Variants in WNT5A observed in about 807,000 individuals in gnomAD.
WNT5A encodes the protein protein Wnt-5a.
WNT5A carries 9 observed loss-of-function variants against 42.1 expected under a neutral mutation model. That is an observed-to-expected ratio of 0.21 (90% confidence interval 0.13 to 0.37). The LOEUF (loss-of-function observed/expected upper bound fraction) is 0.37. WNT5A is among the 10% of genes least tolerant of loss of function. The probability of loss-of-function intolerance (pLI) is 1.00; values close to 1 mark genes in which losing one functional copy is unlikely to be tolerated. For synonymous variants in WNT5A, 210 were observed against 210.0 expected, an observed-to-expected ratio of 1.00 and a Z score of 0.00; for missense variants, 426 against 534.0, an observed-to-expected ratio of 0.80 and a Z score of 1.99.
chr3:55,479,653 C>T, intron 2 of WNT5A, 89 bp from the exon 3 acceptor site: 6 of 1,448,730 alleles, frequency 4.1e-6, no homozygotes, highest in Admixed American at 4.6e-5. Flanking sequence ...TAGTTTTAAG[C>T]ACACAGATGC....
In WNT5A at chr3:55,470,294, C is replaced by T; in HGVS notation, c.941G>A (p.Ser314Asn). 2.5e-6 allele frequency: 4 copies of T among 1,582,288 alleles called. No homozygotes were observed. Among genetic ancestry groups the T allele is most frequent in the Non-Finnish European group, 3.5e-6 (4 of 1,151,118 alleles). The change falls in exon 5 of 5, where the codon AGC (serine) becomes AAC (asparagine). Residue 314 changes from serine to asparagine, a missense_variant. Ser to Asn is a conservative substitution (Grantham distance 46). This residue lies in a region of WNT5A where 358 missense variants were observed against 468.1 expected (regional missense o/e 0.76). Coordinates refer to ENST00000264634, the MANE Select transcript of WNT5A (RefSeq NM_003392.7). ...PSPDYCVRNE[S>N]TGSLGTQGRL... ...GCCCTGCGTGCCCAGCGAGCCGGTG[C>T]TCTCATTGCGCACGCAGTAGTCAGG...
chr3:55,470,639 T>C (rs1027885570), intron 4 of WNT5A, 89 bp from the exon 5 acceptor site: 8 of 1,210,340 alleles, frequency 6.6e-6, no homozygotes, highest in Non-Finnish European at 9.0e-6. Context: ...ACCTTCTCCA[T>C]GGAGCTATGT....
At chr3:55,493,382 C>G (rs1349269047), upstream of WNT5A, among the ~76,000 whole-genome samples, 1 of 152,228 alleles carries the variant, frequency 6.6e-6, no homozygotes, top group African/African-American at 2.4e-5. Context: ...GTCACCCTCA[C>G]TCCCTTGAAG....
At chr3:55,493,182 G>A (rs1167019386), upstream of WNT5A, among the ~76,000 whole-genome samples, 1 of 152,154 alleles carries the variant, frequency 6.6e-6, no homozygotes, top group East Asian at 1.9e-4. Context: ...GAATGAATGA[G>A]GGCCTGAGGG....
rs1289163725 is a variant in WNT5A at position 55,468,494 on chromosome 3, A to G, written c.*1598T>C. The stretch of plus-strand genomic sequence containing the variant: ...CAAGGTATGATCACAGCAGGGCCAC[A>G]GCCCAAGCTCAAGACTCAAAAAACT... On this transcript the variant is annotated 3_prime_UTR_variant, in exon 5 of 5. Coordinates refer to ENST00000264634, the MANE Select transcript of WNT5A (RefSeq NM_003392.7). The G allele has an allele frequency of 6.6e-6, 1 of 152,214 alleles. No homozygotes were observed. Among genetic ancestry groups the G allele is most frequent in the African/African-American group, 2.4e-5 (1 of 41,460 alleles). The allele number at this position is 152,214 out of a possible 1,614,324, so 9.4% of individuals were successfully genotyped here. A position where few individuals can be genotyped will look rare whatever the true frequency, so the allele number is the denominator to read the frequency against.
rs1332328216 is a variant in WNT5A at position 55,482,009 on chromosome 3, C to A, written c.7-1091G>T. ...GTTGTGGGCCACTTTGCCATCGCGG[C>A]ACTGCGAGCCTGTCGTTGGAACTCT... On this transcript the variant is annotated intron_variant, in intron 1 of 4. Coordinates refer to ENST00000264634, the MANE Select transcript of WNT5A (RefSeq NM_003392.7). Among the ~76,000 whole-genome samples the A allele has an allele frequency of 2.6e-5, 4 of 152,248 alleles. No individual in the cohort carries two copies. In the East Asian group the frequency reaches 7.7e-4, roughly 29 times the overall value.
chr3:55,488,039 G>A (rs1176820170), upstream of WNT5A: 1 of 152,312 alleles, frequency 6.6e-6, no homozygotes, highest in African/African-American at 2.4e-5. Flanking sequence ...GGCTGGGGAA[G>A]GGCGAGAGCT....
At chr3:55,471,368 C>T (rs909319132) in intron 4 of WNT5A, among the ~76,000 whole-genome samples, 2 of 152,166 alleles carry the variant, frequency 1.3e-5, no homozygotes, top group African/African-American at 4.8e-5. Context: ...CCCCGCTAGG[C>T]TAAGAGCACC....
chr3:55,499,507 A>C, the WNT5A span, among the ~76,000 whole-genome samples: 2 of 152,344 alleles, frequency 1.3e-5, no homozygotes, highest in Admixed American at 6.5e-5. Context: ...AAAGTCACCA[A>C]CTGTCTTTGA....
upstream of WNT5A, among the ~76,000 whole-genome samples, chr3:55,488,782 C>T (rs897913537): frequency 1.3e-5 from 2 of 152,214 alleles, no homozygotes; most frequent in Non-Finnish European, 2.9e-5. Context: ...GCCTGGACCC[C>T]TTGGCTCGCC....
At chr3:55,500,157 G>C in the WNT5A span, among the ~76,000 whole-genome samples, 1 of 152,152 alleles carries the variant, frequency 6.6e-6, no homozygotes, top group Non-Finnish European at 1.5e-5. Context: ...AGGATTTACA[G>C]TGTTTACCAT....
chr3:55,492,494 A>C (rs2051670889), upstream of WNT5A, among the ~76,000 whole-genome samples: 1 of 152,194 alleles, frequency 6.6e-6, no homozygotes, highest in Non-Finnish European at 1.5e-5. Flanking sequence ...AATGGCAGCT[A>C]CTGTGATTAT....
intron 2 of WNT5A, 80 bp downstream of exon 2, chr3:55,480,705 A>T (rs2051441867): frequency 1.4e-6 from 2 of 1,411,362 alleles, no homozygotes; most frequent in South Asian, 3.3e-5. Flanking sequence ...ACTATCCAGC[A>T]TTAAATATTG....
At chr3:55,474,261 A>G (rs937350538) in intron 4 of WNT5A, 76 bp downstream of exon 4, 3 of 1,586,560 alleles carry the variant, frequency 1.9e-6, no homozygotes, top group African/African-American at 2.7e-5. Context: ...ACGGAGCTAC[A>G]GGGAGAGACC....
At chr3:55,494,440 T>C (rs966529270), upstream of WNT5A, among the ~76,000 whole-genome samples, 2 of 152,228 alleles carry the variant, frequency 1.3e-5, no homozygotes, top group Admixed American at 6.5e-5. Flanking sequence ...GGCAGAAATA[T>C]AAGAGCTCAT....
Position 55,483,978 on chromosome 3 carries a change from A to C in WNT5A, c.6+3002T>G, listed in dbSNP as rs1301573389. The stretch of plus-strand genomic sequence containing the variant: ...CAGGCAGTCCCTTAAGAGAATAGAT[A>C]AAAAGGCCAAGCAAAGATCCTCTCC... On this transcript the variant is annotated intron_variant, in intron 1 of 4. Transcript: ENST00000264634. The surrounding 1 kb of genome is among the most constrained non-coding windows in gnomAD (Gnocchi z 4.2). Among the ~76,000 whole-genome samples the C allele has an allele frequency of 6.6e-6, 1 of 151,928 alleles. No homozygotes were observed. The highest frequency in any genetic ancestry group is 1.5e-5 in the Non-Finnish European group (1 of 67,994).
At chr3:55,472,789 T>C (rs2106905495) in intron 4 of WNT5A, among the ~76,000 whole-genome samples, 1 of 152,384 alleles carries the variant, frequency 6.6e-6, no homozygotes, top group East Asian at 1.9e-4. Flanking sequence ...GACTTCTCTA[T>C]GTCCTTTGCC....
chr3:55,477,761 G>A (rs1028487371), intron 3 of WNT5A, among the ~76,000 whole-genome samples: 47 of 152,272 alleles, frequency 3.1e-4, no homozygotes, highest in African/African-American at 1.1e-3. Context: ...GTATGAAAAC[G>A]AGAGGAGGAT....
At position 55,467,527 on chromosome 3, in the gene WNT5A, G is replaced by A. The variant is rs1374055075; in HGVS notation, c.*2565C>T. ...TAGTCATCCTAAACTATCCGTCATG[G>A]TTTCTCCAAAAATCTCCACATGAAT... On this transcript the variant is annotated 3_prime_UTR_variant, in exon 5 of 5. Transcript: ENST00000264634. 1 of 152,330 alleles carries A rather than the reference G, an allele frequency of 6.6e-6. No individual in the cohort carries two copies. Among genetic ancestry groups the A allele is most frequent in the Non-Finnish European group, 1.5e-5 (1 of 67,986 alleles). 9.4% of individuals were successfully genotyped at this position (152,330 alleles called of 1,614,324 possible). A position where few individuals can be genotyped will look rare whatever the true frequency, so the allele number is the denominator to read the frequency against.
Sources: gnomAD v4.1 joint callset for allele counts (sites outside exome capture counted in the v4.1 genomes callset) on GRCh38, gnomAD v4.1.1 for gene constraint, gnomAD v4.1.1 regional missense constraint, Gnocchi (gnomAD v3.1) non-coding constraint, MANE v1.5 for transcripts, NCBI Gene and HGNC (gene_info 2026-07-23, HGNC 2026-07-21) for gene names.